Variants in NKAIN2 observed in about 807,000 individuals in gnomAD.
The protein encoded by NKAIN2 is sodium/potassium transporting ATPase interacting 2, also known as sodium/potassium-transporting ATPase subunit beta-1-interacting protein 2.
A neutral mutation model predicts 32.6 loss-of-function variants in NKAIN2; 14 were observed. The ratio of observed to expected loss-of-function variants is 0.43; its 90% CI spans 0.28 to 0.67. The LOEUF (loss-of-function observed/expected upper bound fraction) is 0.67. Among genes scored for constraint, NKAIN2 ranks in the 30% least tolerant of loss-of-function variants. The pLI, the probability that NKAIN2 is intolerant of heterozygous loss-of-function variation, is 0.17. For missense variants in NKAIN2, 198 were observed against 258.3 expected, an observed-to-expected ratio of 0.77 and a Z score of 1.60; for synonymous variants, 80 against 87.2, an observed-to-expected ratio of 0.92 and a Z score of 0.46.
At chr6:124,419,006 A>G (rs1022689515) in intron 3 of NKAIN2, among the ~76,000 whole-genome samples, 6 of 152,066 alleles carry the variant, frequency 3.9e-5, no homozygotes, top group Admixed American at 1.3e-4. Flanking sequence ...TAAAATGACT[A>G]TCCATTGTCT....
At chr6:124,003,615 C>T (rs909515640) in intron 1 of NKAIN2, among the ~76,000 whole-genome samples, 1 of 152,120 alleles carries the variant, frequency 6.6e-6, no homozygotes, top group African/African-American at 2.4e-5. Context: ...ACACATAATA[C>T]AGAGCTGGTA....
chr6:124,323,493 G>A (rs1368367278), intron 2 of NKAIN2, among the ~76,000 whole-genome samples: 1 of 152,044 alleles, frequency 6.6e-6, no homozygotes, highest in Non-Finnish European at 1.5e-5. Context: ...TTAGGTCAAG[G>A]CTCATTTACT....
chr6:124,354,487 G>A (rs769943000), intron 2 of NKAIN2, among the ~76,000 whole-genome samples: 3 of 152,146 alleles, frequency 2.0e-5, no homozygotes, highest in Non-Finnish European at 4.4e-5. Flanking sequence ...ACTGTAATGG[G>A]AGATAGTGAA....
chr6:124,276,293 A>AACACACACAC (rs149321217), intron 1 of NKAIN2, among the ~76,000 whole-genome samples: 6,460 of 145,874 alleles, frequency 0.044, 158 homozygotes, highest in Non-Finnish European at 0.055. Flanking sequence ...CCCCTTGGTG[A>AACACACACAC]ACACACACAC....
chr6:124,483,817 AT>A (rs1337648881), intron 3 of NKAIN2, among the ~76,000 whole-genome samples: 4 of 152,154 alleles, frequency 2.6e-5, no homozygotes, highest in East Asian at 1.9e-4. Flanking sequence ...TATAAATAAT[AT>A]TTTTATATAA....
At chr6:124,157,038 G>A (rs1788020080) in intron 1 of NKAIN2, among the ~76,000 whole-genome samples, 1 of 134,480 alleles carries the variant, frequency 7.4e-6, no homozygotes, top group East Asian at 2.6e-4. Flanking sequence ...GGGAGGCAGA[G>A]GTTGCAGTGA....
chr6:124,389,821 T>C (rs994937683), intron 3 of NKAIN2, among the ~76,000 whole-genome samples: 3 of 151,352 alleles, frequency 2.0e-5, no homozygotes, highest in African/African-American at 7.3e-5. Context: ...AGGAAAAAAA[T>C]AGACATGACA....
At chr6:124,309,450 C>T (rs988378183) in intron 2 of NKAIN2, among the ~76,000 whole-genome samples, 2 of 151,994 alleles carry the variant, frequency 1.3e-5, no homozygotes, top group African/African-American at 4.8e-5. Flanking sequence ...GTAATTAGAA[C>T]TGTATGTTGT....
At chr6:124,252,770 C>A (rs929346912) in intron 1 of NKAIN2, among the ~76,000 whole-genome samples, 11 of 151,984 alleles carry the variant, frequency 7.2e-5, no homozygotes, top group Non-Finnish European at 1.3e-4. Context: ...AGTCAACTAC[C>A]TTTGTGATTT....
intron 1 of NKAIN2, among the ~76,000 whole-genome samples, chr6:124,274,698 CAT>C (rs1794944841): frequency 6.6e-6 from 1 of 151,964 alleles, no homozygotes; most frequent in Non-Finnish European, 1.5e-5. Context: ...AACTTAAAAA[CAT>C]ATTATTTATT....
chr6:124,690,704 A>G (rs970999352), intron 4 of NKAIN2, among the ~76,000 whole-genome samples: 1 of 152,056 alleles, frequency 6.6e-6, no homozygotes, highest in Non-Finnish European at 1.5e-5. Flanking sequence ...CTTTCTCTAC[A>G]CTGTATCTCA....
At chr6:123,993,726 T>C (rs1562297184) in intron 1 of NKAIN2, among the ~76,000 whole-genome samples, 1 of 152,182 alleles carries the variant, frequency 6.6e-6, no homozygotes, top group Admixed American at 6.5e-5. Flanking sequence ...AGTTTTATGT[T>C]CCAGTATTTT....
At chr6:124,212,219 T>TA (rs574468508) in intron 1 of NKAIN2, among the ~76,000 whole-genome samples, 87 of 152,222 alleles carry the variant, frequency 5.7e-4, no homozygotes, top group African/African-American at 1.8e-3. Flanking sequence ...GCAGTTTTAT[T>TA]TTAAGCAAGT....
chr6:124,358,176 T>C (rs1042226008), intron 3 of NKAIN2, among the ~76,000 whole-genome samples: 44 of 152,336 alleles, frequency 2.9e-4, no homozygotes, highest in Non-Finnish European at 1.8e-4. Context: ...AGTCTATCAT[T>C]GTTGGACATC....
intron 2 of NKAIN2, among the ~76,000 whole-genome samples, chr6:124,343,536 G>A (rs1276247488): frequency 1.3e-5 from 2 of 152,060 alleles, no homozygotes; most frequent in South Asian, 2.1e-4. Context: ...ACTGGTGTGA[G>A]ATGGTATCTC....
chr6:124,195,624 A>G (rs1258088704), intron 1 of NKAIN2, among the ~76,000 whole-genome samples: 1 of 152,132 alleles, frequency 6.6e-6, no homozygotes, highest in Non-Finnish European at 1.5e-5. Flanking sequence ...AAACTTGGAT[A>G]AAGCACAATC....
At chr6:124,022,354 T>C (rs1202773172) in intron 1 of NKAIN2, among the ~76,000 whole-genome samples, 1 of 152,202 alleles carries the variant, frequency 6.6e-6, no homozygotes. Context: ...ACAATAAACA[T>C]ACCTGTGCAT....
Position 124,355,180 on chromosome 6 carries a change from T to A in NKAIN2, c.193-87T>A, listed in dbSNP as rs1019381545. On this transcript the variant is annotated intron_variant, in intron 2 of 6. Coordinates refer to ENST00000368417, the MANE Select transcript of NKAIN2 (RefSeq NM_001040214.3). The stretch of plus-strand genomic sequence containing the variant: ...TTAACCTTTCCCACTAATCTTATAT[T>A]AGGGTGTGCGAAAGTTCGTTTTATT... The A allele has an allele frequency of 1.2e-5, 9 of 779,804 alleles. No homozygotes were observed. In the East Asian group the frequency reaches 2.2e-4, roughly 19 times the overall value. 48.3% of individuals were successfully genotyped at this position (779,804 alleles called of 1,614,324 possible). A position where few individuals can be genotyped will look rare whatever the true frequency, so the allele number is the denominator to read the frequency against.
intron 1 of NKAIN2, among the ~76,000 whole-genome samples, chr6:123,939,333 C>A (rs1167749393): frequency 6.6e-6 from 1 of 151,894 alleles, no homozygotes; most frequent in Admixed American, 6.6e-5. Context: ...TAATGCCTTA[C>A]CCCGCACACT....
Sources: allele counts gnomAD v4.1 joint callset (sites outside exome capture counted in the v4.1 genomes callset), GRCh38; gene constraint gnomAD v4.1.1; transcripts MANE v1.5; gene names NCBI Gene and HGNC (gene_info 2026-07-23, HGNC 2026-07-21).